The following NSD2 variants were observed in gnomAD, a reference collection of about 807,000 sequenced individuals.
NSD2 encodes the protein nuclear receptor binding SET domain protein 2, also known as histone-lysine N-methyltransferase NSD2.
NSD2 carries 12 observed loss-of-function variants against 139.0 expected under a neutral mutation model. The observed-to-expected ratio is 0.09, with a 90% CI of 0.06 to 0.14. NSD2 has a LOEUF of 0.14. Among genes scored for constraint, NSD2 ranks in the 10% least tolerant of loss-of-function variants. The probability of loss-of-function intolerance (pLI) is 1.00; values close to 1 mark genes in which losing one functional copy is unlikely to be tolerated. For missense variants in NSD2, 1,155 were observed against 1,745.0 expected, an observed-to-expected ratio of 0.66 and a Z score of 6.02; for synonymous variants, 669 against 648.7, an observed-to-expected ratio of 1.03 and a Z score of -0.48.
intron 1 of NSD2, among the ~76,000 whole-genome samples, chr4:1,884,644 G>A (rs185690509): frequency 1.3e-5 from 2 of 151,898 alleles, no homozygotes; most frequent in African/African-American, 4.8e-5. Flanking sequence ...TGCCTGCCTT[G>A]GCCTCCCAAA....
intron 3 of NSD2, among the ~76,000 whole-genome samples, chr4:1,909,146 C>T (rs1718333319): frequency 6.6e-6 from 1 of 151,954 alleles, no homozygotes; most frequent in African/African-American, 2.4e-5. Context: ...AGTGGGAGTT[C>T]TATTAAGTTC....
rs769849406 is a variant in NSD2 at position 1,978,887 on chromosome 4, GGA to G, written c.4080_4081del (p.Arg1360SerfsTer74). On this transcript the variant is annotated frameshift_variant, in exon 22 of 22. Transcript: ENST00000508803. LOFTEE classifies it high-confidence loss of function. ...AAGAGGCGGCGGCGGAGGGGCTGGC[GGA>G]GAGTCACAGAGGGCAAATAGCGCCA... 1.3e-6 allele frequency: 2 copies of G among 1,574,848 alleles called. No individual in the cohort carries two copies. Among genetic ancestry groups the G allele is most frequent in the Non-Finnish European group, 1.7e-6 (2 of 1,157,944 alleles).
chr4:1,962,189 G>T (rs1002653435), intron 18 of NSD2, among the ~76,000 whole-genome samples: 2 of 152,212 alleles, frequency 1.3e-5, no homozygotes, highest in African/African-American at 4.8e-5. Flanking sequence ...AGCCTGCTCC[G>T]GGGGAGCACT....
chr4:1,886,252 G>A (rs1715072101), intron 1 of NSD2, among the ~76,000 whole-genome samples: 1 of 152,116 alleles, frequency 6.6e-6, no homozygotes, highest in Non-Finnish European at 1.5e-5. Context: ...TGTGGCCAGG[G>A]CTGGAGTGTG....
chr4:1,942,876 G>GAT lies in NSD2; in HGVS notation c.1881+3100_1881+3101dup. The GAT allele has an allele frequency of 1.9e-6, 2 of 1,060,906 alleles. No homozygotes were observed. Among genetic ancestry groups the GAT allele is most frequent in the Non-Finnish European group, 2.3e-6 (2 of 876,714 alleles). 65.7% of individuals were successfully genotyped at this position (1,060,906 alleles called of 1,614,324 possible). On this transcript the variant is annotated intron_variant, in intron 9 of 21. Coordinates refer to ENST00000508803, the MANE Select transcript of NSD2 (RefSeq NM_001042424.3). This position sits in a 1 kb window ranked among gnomAD's most constrained non-coding sequence, Gnocchi z 4.0. ...CCAGTGAGATATATTCAGTATTGTAGATACTACACTAATTTCCAACATAAG... is the reference window on the plus strand; with the variant it reads ...CCAGTGAGATATATTCAGTATTGTAGATATACTACACTAATTTCCAACATAAG...
At position 1,981,283 on chromosome 4, in the gene NSD2, C is replaced by T. The variant is rs1727739095; in HGVS notation, c.*2374C>T. The T allele has an allele frequency of 4.3e-6, 1 of 233,202 alleles. No homozygotes were observed. Among genetic ancestry groups the T allele is most frequent in the Admixed American group, 5.6e-5 (1 of 17,788 alleles). The allele number at this position is 233,202 out of a possible 1,614,324, so 14.4% of individuals were successfully genotyped here. ...ATACCCGTTGATAACTCAGTGGAGC[C>T]AGGCTTTGGGGTAGCGGCCCTGAGC... is the stretch of plus-strand genomic sequence containing the variant. On this transcript the variant is annotated 3_prime_UTR_variant, in exon 22 of 22. Transcript: ENST00000508803.
At position 1,981,448 on chromosome 4, in the gene NSD2, G is replaced by A. The variant is rs912820551; in HGVS notation, c.*2539G>A. 4.6e-5 allele frequency: 11 copies of A among 236,588 alleles called. No individual in the cohort carries two copies. The South Asian group carries it at 1.8e-3, about 39-fold the overall frequency. 14.7% of individuals were successfully genotyped at this position (236,588 alleles called of 1,614,324 possible). A position where few individuals can be genotyped will look rare whatever the true frequency, so the allele number is the denominator to read the frequency against. On this transcript the variant is annotated 3_prime_UTR_variant, in exon 22 of 22. Transcript: ENST00000508803. ...AGCTTCAATCCTCCATCATTAATGT[G>A]AAGCAAAACACAAAAACCGCCCCAA...
chr4:1,903,892 G>A (rs907134927), intron 2 of NSD2, among the ~76,000 whole-genome samples: 17 of 152,090 alleles, frequency 1.1e-4, no homozygotes, highest in East Asian at 5.8e-4. Flanking sequence ...CTGCCACCAC[G>A]CCCGGCTAAT....
At chr4:1,946,513 C>G (rs1011901710) in intron 9 of NSD2, 1 of 963,648 alleles carries the variant, frequency 1.0e-6, no homozygotes, top group Admixed American at 5.9e-5. Flanking sequence ...TCGTGATCCA[C>G]CCGCCTCACC....
intron 3 of NSD2, among the ~76,000 whole-genome samples, chr4:1,915,524 G>T (rs889055250): frequency 2.6e-5 from 4 of 152,088 alleles, no homozygotes; most frequent in African/African-American, 4.8e-5. Flanking sequence ...CTCTTCCCTT[G>T]CCTTATGTCT....
intron 9 of NSD2, chr4:1,943,570 T>C (rs1421796977): frequency 4.8e-6 from 5 of 1,050,472 alleles, no homozygotes; most frequent in Non-Finnish European, 4.6e-6. Context: ...TGTGGCGCTT[T>C]AGGGTGCTGG....
Position 1,882,966 on chromosome 4 carries a change from G to A in NSD2, c.-30+11424G>A, listed in dbSNP as rs540100160. Among the ~76,000 whole-genome samples the A allele has an allele frequency of 4.6e-5, 7 of 152,294 alleles. No individual in the cohort carries two copies. The East Asian group carries it at 7.7e-4, about 17-fold the overall frequency. ...ACTGATAAGTCAGGAGGCTGTTGGC[G>A]TCAGTCTTGGTGAAAGAGCTTGGTG... On this transcript the variant is annotated intron_variant, in intron 1 of 21. Coordinates refer to ENST00000508803, the MANE Select transcript of NSD2 (RefSeq NM_001042424.3).
At chr4:1,934,663 C>T (rs1390634840) in intron 6 of NSD2, among the ~76,000 whole-genome samples, 2 of 148,818 alleles carry the variant, frequency 1.3e-5, no homozygotes, top group East Asian at 4.0e-4. Context: ...GCCTGACCAA[C>T]ATGGTGAAAA....
chr4:1,878,593 G>C (rs1019599887), intron 1 of NSD2, among the ~76,000 whole-genome samples: 2 of 152,010 alleles, frequency 1.3e-5, no homozygotes, highest in African/African-American at 2.4e-5. Context: ...AATGGTACCT[G>C]AGTGACTGTC....
At chr4:1,889,046 C>G (rs938365630) in intron 1 of NSD2, among the ~76,000 whole-genome samples, 3 of 151,648 alleles carry the variant, frequency 2.0e-5, no homozygotes, top group African/African-American at 7.3e-5. Context: ...TACAGGCACC[C>G]GCTACCATGC....
intron 3 of NSD2, among the ~76,000 whole-genome samples, chr4:1,913,696 A>G (rs1162898917): frequency 6.6e-6 from 1 of 151,406 alleles, no homozygotes; most frequent in East Asian, 1.9e-4. Context: ...GATGACTCAC[A>G]CTCCTTACCC....
intron 8 of NSD2, among the ~76,000 whole-genome samples, chr4:1,938,767 GTTAC>G (rs1434521629): frequency 1.3e-5 from 2 of 152,132 alleles, no homozygotes; most frequent in African/African-American, 2.4e-5. Flanking sequence ...TTTTATTGAA[GTTAC>G]TTTTTACTTG....
Position 1,944,139 on chromosome 4 carries a change from T to A in NSD2, c.1881+4361T>A, listed in dbSNP as rs1362082449. 3.8e-6 allele frequency: 4 copies of A among 1,066,186 alleles called. No individual in the cohort carries two copies. The East Asian group carries it at 2.0e-4, about 53-fold the overall frequency. 66.0% of individuals were successfully genotyped at this position (1,066,186 alleles called of 1,614,324 possible). ...CATTGGGAAGGTGGGCAGGGGCAAG[T>A]GAACTCAGCACTCTGCAGTGAGAGG... On this transcript the variant is annotated intron_variant, in intron 9 of 21. Coordinates refer to ENST00000508803, the MANE Select transcript of NSD2 (RefSeq NM_001042424.3).
In NSD2 at chr4:1,930,887, T is replaced by C. The variant is rs368834275; in HGVS notation, c.1555+117T>C. On this transcript the variant is annotated intron_variant, in intron 6 of 21. Transcript: ENST00000508803. ...GTCCACTCTCCCTGTTTCTGACCCG[T>C]GGGGTTTGGGCCAGCGGTCCAAGTG... The C allele has an allele frequency of 9.2e-4, 1,246 of 1,355,194 alleles. 6 individuals are homozygous for C. In the African/African-American group the frequency reaches 0.017, roughly 18 times the overall value. 83.9% of individuals were successfully genotyped at this position (1,355,194 alleles called of 1,614,324 possible).
Sources: gnomAD v4.1 joint callset for allele counts (sites outside exome capture counted in the v4.1 genomes callset) on GRCh38, gnomAD v4.1.1 for gene constraint, Gnocchi (gnomAD v3.1) non-coding constraint, MANE v1.5 for transcripts, NCBI Gene and HGNC (gene_info 2026-07-23, HGNC 2026-07-21) for gene names.